Variants in GRM5 observed in about 807,000 individuals in gnomAD.
GRM5 encodes glutamate metabotropic receptor 5.
GRM5 carries 19 observed loss-of-function variants against 83.1 expected under a neutral mutation model. The observed-to-expected ratio is 0.23, with a 90% CI of 0.16 to 0.34. GRM5 has a LOEUF of 0.34. Among genes scored for constraint, GRM5 ranks in the 10% least tolerant of loss-of-function variants. The pLI is 1.00. For missense variants in GRM5, 1,160 were observed against 1,588.3 expected (o/e 0.73, Z 4.58); for synonymous variants, 675 against 633.6 (o/e 1.07, Z -0.98).
chr11:88,829,821 A>C (rs948897080), intron 3 of GRM5, among the ~76,000 whole-genome samples: 5 of 152,158 alleles, frequency 3.3e-5, no homozygotes, highest in African/African-American at 1.2e-4. Context: ...AAGCTATAAA[A>C]TAACTTTTAA....
chr11:88,947,372 C>T (rs1938314154), intron 2 of GRM5, among the ~76,000 whole-genome samples: 1 of 152,070 alleles, frequency 6.6e-6, no homozygotes, highest in African/African-American at 2.4e-5. Flanking sequence ...TACTTGCCTG[C>T]CAATGCCTTC....
At chr11:88,891,493 T>G (rs893188241) in intron 2 of GRM5, among the ~76,000 whole-genome samples, 68 of 151,812 alleles carry the variant, frequency 4.5e-4, no homozygotes, top group African/African-American at 1.5e-3. Flanking sequence ...AACAGGATTA[T>G]TTGACATGTT....
chr11:89,040,727 G>C (rs1941511255), intron 2 of GRM5, among the ~76,000 whole-genome samples: 1 of 151,358 alleles, frequency 6.6e-6, no homozygotes, highest in Non-Finnish European at 1.5e-5. Context: ...AGAGAGAAAG[G>C]GAGAGAGACA....
At chr11:88,899,457 T>C (rs1945283647) in intron 2 of GRM5, among the ~76,000 whole-genome samples, 1 of 151,982 alleles carries the variant, frequency 6.6e-6, no homozygotes, top group African/African-American at 2.4e-5. Context: ...AGAAAATAAT[T>C]AGTAGACTTA....
chr11:88,613,736 G>T lies in GRM5; in HGVS notation c.1148-8772C>A, dbSNP rs149273986. On this transcript the variant is annotated intron_variant, in intron 4 of 9. Transcript: ENST00000305447. ...TGATCCTGTTATTGTGCTATTAGCT[G>T]CTAACCATTTTTAAAGGATCCAAGA... Among the ~76,000 whole-genome samples, 1,094 of 152,262 alleles carry T rather than the reference G, an allele frequency of 7.2e-3. 15 individuals are homozygous for T. The highest frequency in any genetic ancestry group is 0.025 in the African/African-American group (1,041 of 41,548).
chr11:89,012,282 C>A (rs1468315361), intron 2 of GRM5, among the ~76,000 whole-genome samples: 1 of 152,140 alleles, frequency 6.6e-6, no homozygotes. Context: ...GCATATAATA[C>A]TTGCAAATAA....
At chr11:88,987,341 G>C (rs1365856171) in intron 2 of GRM5, among the ~76,000 whole-genome samples, 4 of 151,992 alleles carry the variant, frequency 2.6e-5, no homozygotes, top group Non-Finnish European at 5.9e-5. Flanking sequence ...ATATCCCCCA[G>C]CTGGCTCGGA....
At chr11:89,014,075 A>G (rs1232273947) in intron 2 of GRM5, among the ~76,000 whole-genome samples, 1 of 152,180 alleles carries the variant, frequency 6.6e-6, no homozygotes, top group East Asian at 1.9e-4. Context: ...CATAGTCACA[A>G]GTATATCCAT....
intron 2 of GRM5, among the ~76,000 whole-genome samples, chr11:88,953,988 C>T (rs1030312632): frequency 6.6e-6 from 1 of 152,118 alleles, no homozygotes; most frequent in South Asian, 2.1e-4. Flanking sequence ...TATGTTAACA[C>T]GTTATATTTC....
At chr11:88,625,143 T>A (rs774330888) in intron 4 of GRM5, among the ~76,000 whole-genome samples, 1 of 152,128 alleles carries the variant, frequency 6.6e-6, no homozygotes, top group Non-Finnish European at 1.5e-5. Flanking sequence ...CATCTTACAA[T>A]AGTAAGATTT....
intron 2 of GRM5, among the ~76,000 whole-genome samples, chr11:88,871,909 G>A (rs72643340): frequency 1.2e-4 from 18 of 149,062 alleles, no homozygotes; most frequent in African/African-American, 3.9e-4. Context: ...ATAAACAGAT[G>A]AAAAAAAAAG....
At chr11:88,902,263 G>A (rs1945325587) in intron 2 of GRM5, among the ~76,000 whole-genome samples, 1 of 151,728 alleles carries the variant, frequency 6.6e-6, no homozygotes, top group Non-Finnish European at 1.5e-5. Context: ...AGGATGTCTA[G>A]GTTTAAATCT....
At chr11:88,572,520 T>C (rs1943025439) in intron 7 of GRM5, among the ~76,000 whole-genome samples, 2 of 152,198 alleles carry the variant, frequency 1.3e-5, no homozygotes, top group African/African-American at 2.4e-5. Context: ...TAGATAATTA[T>C]ATGTTTTTTT....
intron 3 of GRM5, among the ~76,000 whole-genome samples, chr11:88,690,343 G>T (rs961578773): frequency 6.6e-6 from 1 of 151,758 alleles, no homozygotes; most frequent in African/African-American, 2.4e-5. Context: ...TTTGCTTTTT[G>T]GGAGAAAAGA....
chr11:88,662,908 T>A lies in GRM5; in HGVS notation c.912-9505A>T, dbSNP rs371195243. Among the ~76,000 whole-genome samples, 106 of 152,272 alleles carry A rather than the reference T, an allele frequency of 7.0e-4. No individual in the cohort carries two copies. The Middle Eastern group carries it at 0.014, about 20-fold the overall frequency. ...CTTCCAGAAAGCCTCCAAAAAGAAA[T>A]GCAGTTCGCCAATACCCTGACTACA... On this transcript the variant is annotated intron_variant, in intron 3 of 9. Coordinates refer to ENST00000305447, the MANE Select transcript of GRM5 (RefSeq NM_001143831.3).
chr11:88,775,793 T>C (rs1289601065), intron 3 of GRM5, among the ~76,000 whole-genome samples: 4 of 152,236 alleles, frequency 2.6e-5, no homozygotes, highest in African/African-American at 9.6e-5. Context: ...GATTGCACTG[T>C]GGTCTGAGAG....
intron 3 of GRM5, among the ~76,000 whole-genome samples, chr11:88,700,728 G>A (rs1447818765): frequency 6.6e-6 from 1 of 152,094 alleles, no homozygotes; most frequent in Non-Finnish European, 1.5e-5. Context: ...CCAAGGAGGT[G>A]TGACAGTGGT....
chr11:88,528,381 T>C (rs566093863), intron 8 of GRM5, among the ~76,000 whole-genome samples: 1 of 152,168 alleles, frequency 6.6e-6, no homozygotes, highest in African/African-American at 2.4e-5. Context: ...TTTAAATAGA[T>C]CATATTTTTA....
chr11:88,774,890 A>G (rs1341933234), intron 3 of GRM5, among the ~76,000 whole-genome samples: 2 of 152,308 alleles, frequency 1.3e-5, no homozygotes, highest in African/African-American at 4.8e-5. Flanking sequence ...CATCAGGGAT[A>G]TTGGTCTAAA....
Sources: allele counts gnomAD v4.1 joint callset (sites outside exome capture counted in the v4.1 genomes callset), GRCh38; gene constraint gnomAD v4.1.1; transcripts MANE v1.5; gene names NCBI Gene and HGNC (gene_info 2026-07-23, HGNC 2026-07-21).